WDR27: variants seen among roughly 807,000 people sequenced by gnomAD.
WDR27 encodes the protein WD repeat domain 27, also known as WD repeat-containing protein 27.
WDR27 carries 100 observed loss-of-function variants against 114.4 expected under a neutral mutation model. The ratio of observed to expected loss-of-function variants is 0.87; its 90% CI spans 0.74 to 1.03. WDR27 has a LOEUF of 1.03. Ranked by LOEUF, WDR27 falls within the 50% of genes least tolerant of loss-of-function variation. The pLI, the probability that WDR27 is intolerant of heterozygous loss-of-function variation, is 0.00. For synonymous variants in WDR27, 449 were observed against 423.1 expected (o/e 1.06, Z -0.75); for missense variants, 1,129 against 1,092.9 (o/e 1.03, Z -0.47).
In WDR27 at chr6:169,672,487, T is replaced by C. The variant is rs141828703; in HGVS notation, c.190-91A>G. On this transcript the variant is annotated intron_variant, in intron 2 of 25. Transcript: ENST00000448612. ...ACTTCAAACCTAAGAAATTAAAAGA[T>C]TGAGTTTTTCAAATACATTTATCTT... 1,691 of 1,306,032 alleles carry C rather than the reference T, an allele frequency of 1.3e-3. 20 individuals are homozygous for C. The African/African-American group carries it at 0.022, about 17-fold the overall frequency. 80.9% of individuals were successfully genotyped at this position (1,306,032 alleles called of 1,614,324 possible).
chr6:169,627,026 G>C (rs1236727904), intron 21 of WDR27, among the ~76,000 whole-genome samples: 3 of 152,176 alleles, frequency 2.0e-5, no homozygotes, highest in Non-Finnish European at 4.4e-5. Flanking sequence ...GCAGAGTTCT[G>C]ATGTGAAAGG....
chr6:169,667,813 G>A (rs538837476), intron 5 of WDR27, among the ~76,000 whole-genome samples, 169 bp downstream of exon 5: 2 of 152,256 alleles, frequency 1.3e-5, no homozygotes, highest in African/African-American at 4.8e-5. Flanking sequence ...CAAAACATCC[G>A]GGCTTGGCGT....
intron 25 of WDR27, among the ~76,000 whole-genome samples, chr6:169,489,727 G>A (rs1789482435): frequency 1.3e-5 from 2 of 152,192 alleles, no homozygotes; most frequent in African/African-American, 4.8e-5. Context: ...CCTGGGCACC[G>A]TATTTCTGAA....
At chr6:169,601,358 T>C (rs1279116749) in intron 23 of WDR27, among the ~76,000 whole-genome samples, 6 of 152,178 alleles carry the variant, frequency 3.9e-5, no homozygotes, top group African/African-American at 9.7e-5. Flanking sequence ...AAAAATCAGA[T>C]TCATCAAATG....
chr6:169,527,157 T>A (rs1583984860), intron 25 of WDR27, among the ~76,000 whole-genome samples: 1 of 151,926 alleles, frequency 6.6e-6, no homozygotes, highest in South Asian at 2.1e-4. Context: ...ACACAAATAA[T>A]TGAAAAGATA....
chr6:169,593,184 A>C (rs1391826746), intron 23 of WDR27, among the ~76,000 whole-genome samples: 1 of 152,208 alleles, frequency 6.6e-6, no homozygotes, highest in Non-Finnish European at 1.5e-5. Context: ...ATGCTTTAAA[A>C]CAGTTAAGTA....
intron 21 of WDR27, among the ~76,000 whole-genome samples, chr6:169,616,294 C>A (rs1811809960): frequency 6.6e-6 from 1 of 152,132 alleles, no homozygotes; most frequent in Non-Finnish European, 1.5e-5. Context: ...TCGAGACCAG[C>A]CTGGCCAACA....
At chr6:169,444,672 T>G in the WDR27 span, among the ~76,000 whole-genome samples, 3,377 of 151,772 alleles carry the variant, frequency 0.022, 119 homozygotes, top group African/African-American at 0.074. Flanking sequence ...TTTTTTTGTT[T>G]TTTTTTTTTT....
At chr6:169,442,210 CCTT>C in the WDR27 span, among the ~76,000 whole-genome samples, 1 of 152,166 alleles carries the variant, frequency 6.6e-6, no homozygotes, top group Non-Finnish European at 1.5e-5. Flanking sequence ...TCTTTTCCTC[CCTT>C]CTTAATGGTG....
chr6:169,558,787 A>G (rs546735035), intron 25 of WDR27: 1 of 152,338 alleles, frequency 6.6e-6, no homozygotes, highest in East Asian at 1.9e-4. Flanking sequence ...TTCCAATTCA[A>G]TTATTCGTCA....
At chr6:169,527,106 G>A (rs1795047979) in intron 25 of WDR27, among the ~76,000 whole-genome samples, 1 of 152,164 alleles carries the variant, frequency 6.6e-6, no homozygotes, top group Non-Finnish European at 1.5e-5. Flanking sequence ...ACAGTTAAAC[G>A]TAGAATTGCC....
intron 21 of WDR27, among the ~76,000 whole-genome samples, chr6:169,621,657 T>G (rs920413794): frequency 6.9e-6 from 1 of 145,942 alleles, no homozygotes; most frequent in African/African-American, 2.6e-5. Flanking sequence ...TACCCACACA[T>G]TCATTCACGC....
intron 8 of WDR27, among the ~76,000 whole-genome samples, chr6:169,663,103 A>G (rs1019908333): frequency 6.6e-6 from 1 of 152,192 alleles, no homozygotes; most frequent in South Asian, 2.1e-4. Context: ...CTAAGGTAAC[A>G]CCCAGCATGA....
At chr6:169,606,902 A>G (rs932105059) in intron 22 of WDR27, among the ~76,000 whole-genome samples, 3 of 152,212 alleles carry the variant, frequency 2.0e-5, no homozygotes, top group Admixed American at 6.5e-5. Flanking sequence ...GTCTTCCACA[A>G]TGGTTGAACT....
At chr6:169,656,637 G>T (rs1178584580) in intron 13 of WDR27, among the ~76,000 whole-genome samples, 4 of 152,122 alleles carry the variant, frequency 2.6e-5, no homozygotes, top group South Asian at 4.2e-4. Flanking sequence ...AAGGAGCCAA[G>T]AAGGCCCAGG....
intron 8 of WDR27, among the ~76,000 whole-genome samples, chr6:169,663,893 C>A (rs1261274261): frequency 6.6e-6 from 1 of 152,218 alleles, no homozygotes; most frequent in Admixed American, 6.5e-5. Context: ...AGGAAAGCAA[C>A]CCATAGCTGC....
intron 21 of WDR27, among the ~76,000 whole-genome samples, chr6:169,619,754 C>A (rs968000329): frequency 6.6e-6 from 1 of 152,142 alleles, no homozygotes; most frequent in Admixed American, 6.5e-5. Flanking sequence ...TTAGTGGCTG[C>A]CCTTGGAGAC....
chr6:169,454,909 C>T (rs539931024), downstream of WDR27, among the ~76,000 whole-genome samples: 1 of 152,364 alleles, frequency 6.6e-6, no homozygotes, highest in East Asian at 1.9e-4. Flanking sequence ...GCCGTGGGCT[C>T]CTCACCAGCC....
Position 169,493,988 on chromosome 6 carries a change from C to T in WDR27, c.2646-36354G>A, listed in dbSNP as rs190310132. 1.7e-3 allele frequency among the ~76,000 whole-genome samples: 256 copies of T among 152,290 alleles called. 1 individual carries two copies. Among genetic ancestry groups the T allele is most frequent in the Non-Finnish European group, 1.8e-3 (124 of 68,020 alleles). The stretch of plus-strand genomic sequence containing the variant: ...AAATGCAAGTGTGAGTTTCTCTTTT[C>T]TGACTCTGATACTTTCGACTGTCAA... On this transcript the variant is annotated intron_variant, in intron 25 of 25. Coordinates refer to ENST00000448612, the MANE Select transcript of WDR27 (RefSeq NM_182552.5).
Sources: gnomAD v4.1 joint callset for allele counts (sites outside exome capture counted in the v4.1 genomes callset) on GRCh38, gnomAD v4.1.1 for gene constraint, MANE v1.5 for transcripts, NCBI Gene and HGNC (gene_info 2026-07-23, HGNC 2026-07-21) for gene names.